HMGCLL1: variants seen among roughly 807,000 people sequenced by gnomAD.
HMGCLL1 encodes 3-hydroxymethyl-3-methylglutaryl-CoA lyase, cytoplasmic.
A neutral mutation model predicts 39.1 loss-of-function variants in HMGCLL1; 36 were observed. The ratio of observed to expected loss-of-function variants is 0.92; its 90% CI spans 0.71 to 1.22. HMGCLL1 has a LOEUF of 1.22. HMGCLL1 is among the 50% of genes most tolerant of loss of function. The pLI, the probability that HMGCLL1 is intolerant of heterozygous loss-of-function variation, is 0.00. For missense variants in HMGCLL1, 451 were observed against 416.5 expected (o/e 1.08, Z -0.72); for synonymous variants, 149 against 144.0 (o/e 1.03, Z -0.25).
chr6:55,480,674 T>C (rs915680350), intron 7 of HMGCLL1, among the ~76,000 whole-genome samples: 1 of 151,712 alleles, frequency 6.6e-6, no homozygotes, highest in Non-Finnish European at 1.5e-5. Context: ...CTAACAGATA[T>C]CTGTACTTAC....
intron 7 of HMGCLL1, among the ~76,000 whole-genome samples, chr6:55,448,355 T>A (rs1349481142): frequency 6.7e-6 from 1 of 149,286 alleles, no homozygotes; most frequent in Non-Finnish European, 1.5e-5. Context: ...TAAACAGTAC[T>A]ATATATACAA....
the HMGCLL1 span, among the ~76,000 whole-genome samples, chr6:55,601,762 A>G: frequency 6.6e-6 from 1 of 152,160 alleles, no homozygotes; most frequent in East Asian, 1.9e-4. Flanking sequence ...CTTGGCTATT[A>G]ATCACTGATT....
chr6:55,605,274 A>G, the HMGCLL1 span, among the ~76,000 whole-genome samples: 1 of 152,170 alleles, frequency 6.6e-6, no homozygotes, highest in South Asian at 2.1e-4. Flanking sequence ...GGCTTACGTT[A>G]CACTCCGACT....
chr6:55,533,160 T>C (rs551227685), intron 3 of HMGCLL1, among the ~76,000 whole-genome samples: 3 of 151,822 alleles, frequency 2.0e-5, no homozygotes, highest in African/African-American at 7.2e-5. Flanking sequence ...GTAACACTTG[T>C]ATAGGATATA....
At chr6:55,671,481 A>G in the HMGCLL1 span, among the ~76,000 whole-genome samples, 1 of 151,872 alleles carries the variant, frequency 6.6e-6, no homozygotes, top group Non-Finnish European at 1.5e-5. Flanking sequence ...ATGAAGCGAA[A>G]CTAACAGAAC....
the HMGCLL1 span, among the ~76,000 whole-genome samples, chr6:55,640,010 G>A: frequency 0.41 from 62,105 of 151,860 alleles, 13,314 homozygotes; most frequent in Middle Eastern, 0.56. Context: ...CTCGGGAGGC[G>A]GAGGTTGCAG....
chr6:55,678,581 G>A, the HMGCLL1 span, among the ~76,000 whole-genome samples: 3 of 151,580 alleles, frequency 2.0e-5, no homozygotes, highest in South Asian at 6.3e-4. Flanking sequence ...CGAGAGAAGG[G>A]GACTGTTTTT....
chr6:55,513,986 T>A, intron 5 of HMGCLL1, 62 bp downstream of exon 5: 1 of 1,418,204 alleles, frequency 7.1e-7, no homozygotes, highest in Non-Finnish European at 9.7e-7. Context: ...CTCTAGATAA[T>A]TTTTGAGTAA....
chr6:55,498,908 A>G (rs543636684), intron 6 of HMGCLL1, among the ~76,000 whole-genome samples: 99 of 152,168 alleles, frequency 6.5e-4, no homozygotes, highest in African/African-American at 2.3e-3. Context: ...TTCTCCAAAA[A>G]CTGCCCTGAC....
intron 7 of HMGCLL1, among the ~76,000 whole-genome samples, chr6:55,443,193 G>A (rs2127383010): frequency 6.6e-6 from 1 of 152,256 alleles, no homozygotes; most frequent in African/African-American, 2.4e-5. Context: ...GTATGGGTCA[G>A]CTTTAACTTT....
the HMGCLL1 span, among the ~76,000 whole-genome samples, chr6:55,616,428 A>G: frequency 2.0e-5 from 3 of 152,258 alleles, no homozygotes; most frequent in East Asian, 5.8e-4. Context: ...CTACCAGCCA[A>G]CATGACAGTT....
chr6:55,607,481 C>T, the HMGCLL1 span, among the ~76,000 whole-genome samples: 1 of 152,142 alleles, frequency 6.6e-6, no homozygotes, highest in Non-Finnish European at 1.5e-5. Context: ...AACAGAAAGT[C>T]TTCAGCTGTC....
the HMGCLL1 span, among the ~76,000 whole-genome samples, chr6:55,609,995 CA>C: frequency 2.6e-5 from 4 of 151,898 alleles, no homozygotes; most frequent in African/African-American, 7.3e-5. Context: ...CAGCATCAAC[CA>C]AAAAAAGTCT....
intron 1 of HMGCLL1, among the ~76,000 whole-genome samples, chr6:55,559,470 A>G (rs912652604): frequency 5.3e-5 from 8 of 152,284 alleles, no homozygotes; most frequent in African/African-American, 1.7e-4. Context: ...AAGCAAAGTC[A>G]TGTTACTTTC....
chr6:55,668,257 G>A, the HMGCLL1 span, among the ~76,000 whole-genome samples: 2 of 151,920 alleles, frequency 1.3e-5, no homozygotes, highest in Non-Finnish European at 2.9e-5. Flanking sequence ...CTTGTAGCAG[G>A]TGTTCCCTGA....
intron 8 of HMGCLL1, among the ~76,000 whole-genome samples, chr6:55,439,057 G>C (rs1053006548): frequency 1.3e-5 from 2 of 151,974 alleles, no homozygotes; most frequent in Admixed American, 6.6e-5. Flanking sequence ...AGACAATCAA[G>C]ATCTCCATTT....
intron 7 of HMGCLL1, among the ~76,000 whole-genome samples, chr6:55,469,242 A>G (rs1764925006): frequency 6.6e-6 from 1 of 150,942 alleles, no homozygotes; most frequent in South Asian, 2.1e-4. Context: ...TTGAAGCCTG[A>G]CATTTATTTA....
intron 7 of HMGCLL1, among the ~76,000 whole-genome samples, chr6:55,442,021 CTG>C (rs1763620422): frequency 6.6e-6 from 1 of 152,050 alleles, no homozygotes; most frequent in South Asian, 2.1e-4. Context: ...CCTGTTAAGA[CTG>C]GAGTTATAGA....
rs530508785 is a variant in HMGCLL1, at chr6:55,455,003, G to A, written c.796-15444C>T. On this transcript the variant is annotated intron_variant, in intron 7 of 8. Coordinates refer to ENST00000274901, the MANE Select transcript of HMGCLL1 (RefSeq NM_001042406.2). The stretch of plus-strand genomic sequence containing the variant: ...CTCAGGTCTGTGTTCCCAGCTACTG[G>A]GGAGACTGAGAGAAGATCACTTGAG... 2.0e-4 allele frequency among the ~76,000 whole-genome samples: 26 copies of A among 128,930 alleles called. 1 individual carries two copies. Among genetic ancestry groups the A allele is most frequent in the African/African-American group, 8.2e-4 (25 of 30,504 alleles). The allele number at this position is 128,930 out of a possible 152,430, so 84.6% of individuals were successfully genotyped here.
Sources: allele counts gnomAD v4.1 joint callset (sites outside exome capture counted in the v4.1 genomes callset), GRCh38; gene constraint gnomAD v4.1.1; transcripts MANE v1.5; gene names NCBI Gene and HGNC (gene_info 2026-07-23, HGNC 2026-07-21).